The following ASTN2 variants were observed in gnomAD, a reference collection of about 807,000 sequenced individuals.
ASTN2 encodes astrotactin 2, also known as astrotactin-2.
A neutral mutation model predicts 139.8 loss-of-function variants in ASTN2; 54 were observed. The ratio of observed to expected loss-of-function variants is 0.39; its 90% CI spans 0.31 to 0.48. The LOEUF (loss-of-function observed/expected upper bound fraction) is 0.48. Among genes scored for constraint, ASTN2 ranks in the 20% least tolerant of loss-of-function variants. The probability of loss-of-function intolerance (pLI) is 0.95; values close to 1 mark genes in which losing one functional copy is unlikely to be tolerated. For missense variants in ASTN2, 1,565 were observed against 1,725.1 expected, an observed-to-expected ratio of 0.91 and a Z score of 1.64; for synonymous variants, 756 against 719.5, an observed-to-expected ratio of 1.05 and a Z score of -0.81.
At chr9:116,596,052 A>G (rs1352029750) in intron 19 of ASTN2, among the ~76,000 whole-genome samples, 2 of 152,186 alleles carry the variant, frequency 1.3e-5, no homozygotes, top group African/African-American at 4.8e-5. Flanking sequence ...AAATAAATGG[A>G]TGAAGAAAAC....
intron 19 of ASTN2, among the ~76,000 whole-genome samples, chr9:116,578,441 C>T (rs1270436652): frequency 1.3e-5 from 2 of 151,926 alleles, no homozygotes; most frequent in Non-Finnish European, 2.9e-5. Context: ...CACCTCCTGA[C>T]AAATGTTCTA....
At chr9:117,334,995 C>T (rs1456244078) in intron 1 of ASTN2, among the ~76,000 whole-genome samples, 1 of 152,156 alleles carries the variant, frequency 6.6e-6, no homozygotes, top group African/African-American at 2.4e-5. Context: ...GCAGAGGTTG[C>T]AGTGAGCATA....
intron 13 of ASTN2, among the ~76,000 whole-genome samples, chr9:116,749,251 C>T (rs1472331349): frequency 6.6e-6 from 1 of 152,180 alleles, no homozygotes; most frequent in Admixed American, 6.5e-5. Context: ...CACTCTAGCA[C>T]ATTTTAATTT....
chr9:116,733,912 C>A (rs756578661), intron 13 of ASTN2, among the ~76,000 whole-genome samples: 8 of 152,118 alleles, frequency 5.3e-5, no homozygotes, highest in Non-Finnish European at 1.2e-4. Flanking sequence ...CGCTAAATGT[C>A]CCCTGGCATA....
At chr9:117,067,054 T>C (rs1414584273) in intron 5 of ASTN2, among the ~76,000 whole-genome samples, 3 of 88,282 alleles carry the variant, frequency 3.4e-5, no homozygotes, top group African/African-American at 8.2e-5. Context: ...CCATTGCTTT[T>C]GGTGTTTTAG....
intron 1 of ASTN2, among the ~76,000 whole-genome samples, chr9:117,313,088 T>G (rs16934494): frequency 0.019 from 2,863 of 152,312 alleles, 103 homozygotes; most frequent in African/African-American, 0.064. Flanking sequence ...GAACCCACGT[T>G]CAGAATCCTC....
chr9:116,977,870 C>T (rs7859982), intron 7 of ASTN2, among the ~76,000 whole-genome samples: 2,122 of 152,004 alleles, frequency 0.014, 53 homozygotes, highest in African/African-American at 0.047. Context: ...GCATGCACCA[C>T]CATGCCCAGG....
intron 20 of ASTN2, among the ~76,000 whole-genome samples, chr9:116,472,526 T>C (rs575908529): frequency 3.3e-5 from 5 of 152,288 alleles, no homozygotes; most frequent in South Asian, 2.1e-4. Context: ...CATAAGACTT[T>C]GAATTGCAGC....
intron 1 of ASTN2, among the ~76,000 whole-genome samples, chr9:117,349,947 T>C (rs528993588): frequency 1.3e-5 from 2 of 152,254 alleles, no homozygotes; most frequent in East Asian, 3.9e-4. Context: ...GCAACACAGA[T>C]TGAACACTGG....
chr9:117,113,542 G>T (rs2132793017), intron 4 of ASTN2, among the ~76,000 whole-genome samples: 1 of 152,282 alleles, frequency 6.6e-6, no homozygotes, highest in South Asian at 2.1e-4. Context: ...TGTAATCCTA[G>T]CTACTAGGGA....
At chr9:116,561,228 T>A (rs181389898) in intron 19 of ASTN2, among the ~76,000 whole-genome samples, 3 of 152,300 alleles carry the variant, frequency 2.0e-5, no homozygotes, top group Admixed American at 2.0e-4. Flanking sequence ...TTTGGTCATC[T>A]TCTTATGTCT....
chr9:116,881,571 T>C (rs1833450802), intron 10 of ASTN2, among the ~76,000 whole-genome samples: 1 of 152,254 alleles, frequency 6.6e-6, no homozygotes, highest in Admixed American at 6.5e-5. Context: ...AAGCACCACA[T>C]GCATTGCTGG....
intron 19 of ASTN2, among the ~76,000 whole-genome samples, chr9:116,522,025 A>G (rs1830582): frequency 0.18 from 27,466 of 152,076 alleles, 2,864 homozygotes; most frequent in African/African-American, 0.28. Flanking sequence ...AGATGTTGGT[A>G]TGGATGCAGT....
chr9:117,339,886 C>T (rs189827894), intron 1 of ASTN2, among the ~76,000 whole-genome samples: 115 of 149,100 alleles, frequency 7.7e-4, no homozygotes, highest in African/African-American at 2.6e-3. Flanking sequence ...ATCTGTTAAG[C>T]CAGGAAATAG....
chr9:117,362,331 C>G (rs1422740996), intron 1 of ASTN2, among the ~76,000 whole-genome samples: 2 of 151,892 alleles, frequency 1.3e-5, no homozygotes, highest in African/African-American at 4.8e-5. Context: ...TTTGCTCTGT[C>G]CCATACTAAA....
chr9:116,839,881 A>ATTATTATTATTTT (rs55634992), intron 11 of ASTN2, among the ~76,000 whole-genome samples: 1 of 127,972 alleles, frequency 7.8e-6, no homozygotes, highest in African/African-American at 3.0e-5. Context: ...TATTATTATT[A>ATTATTATTATTTT]TTTTTTTTTT....
chr9:116,580,260 G>A (rs975461489), intron 19 of ASTN2, among the ~76,000 whole-genome samples: 1 of 152,214 alleles, frequency 6.6e-6, no homozygotes, highest in African/African-American at 2.4e-5. Flanking sequence ...GAGCAGAAGA[G>A]GCAGAGGTAT....
chr9:116,711,702 T>A (rs905909864), intron 16 of ASTN2, among the ~76,000 whole-genome samples: 12 of 152,210 alleles, frequency 7.9e-5, no homozygotes, highest in African/African-American at 2.9e-4. Context: ...GTCAGAAAGC[T>A]TGGCACCATG....
chr9:117,277,146 A>G (rs1380936662), intron 2 of ASTN2: 2 of 152,142 alleles, frequency 1.3e-5, no homozygotes, highest in Admixed American at 6.5e-5. Flanking sequence ...GCCATCCCCA[A>G]TAGAGGAGGA....
Sources: allele counts gnomAD v4.1 joint callset (sites outside exome capture counted in the v4.1 genomes callset), GRCh38; gene constraint gnomAD v4.1.1; transcripts MANE v1.5; gene names NCBI Gene and HGNC (gene_info 2026-07-23, HGNC 2026-07-21).